DNAH5: variants seen among roughly 807,000 people sequenced by gnomAD.
DNAH5 encodes the protein dynein axonemal heavy chain 5.
DNAH5 carries 372 observed loss-of-function variants against 518.2 expected under a neutral mutation model. The ratio of observed to expected loss-of-function variants is 0.72; its 90% confidence interval spans 0.66 to 0.78. DNAH5 has a LOEUF of 0.78. Ranked by LOEUF, DNAH5 falls within the 30% of genes least tolerant of loss-of-function variation. The pLI is 0.00. For synonymous variants in DNAH5, 2,039 were observed against 2,025.9 expected (o/e 1.01, Z -0.17); for missense variants, 5,523 against 5,687.0 (o/e 0.97, Z 0.93).
At chr5:13,947,872 C>T (rs975244419), upstream of DNAH5, among the ~76,000 whole-genome samples, 16 of 152,198 alleles carry the variant, frequency 1.1e-4, no homozygotes, top group African/African-American at 3.9e-4. Context: ...ACCCATCAAG[C>T]GCTGCACATT....
In DNAH5 at chr5:13,810,223, C is replaced by A; in HGVS notation, c.7445G>T (p.Arg2482Leu). 11 of 1,550,642 alleles carry A rather than the reference C, an allele frequency of 7.1e-6. No individual in the cohort carries two copies. Among genetic ancestry groups the A allele is most frequent in the Non-Finnish European group, 9.6e-6 (11 of 1,146,972 alleles). Residue 2482 changes from arginine (R) to leucine (L), a missense_variant, in exon 45 of 79, where the codon CGG becomes CTG. Transcript: ENST00000265104. ...GGEVSQAHLG[R>L]LFVFALLWSA... Reference sequence around the variant, plus strand: ...CCACAGCAGCGCGAACACGAACAGCCGCCCCAGGTGAGCCTGGCTCACCTC... The same window carrying A: ...CCACAGCAGCGCGAACACGAACAGCAGCCCCAGGTGAGCCTGGCTCACCTC...
chr5:13,825,701 C>G (rs1762804094), intron 38 of DNAH5, among the ~76,000 whole-genome samples: 2 of 152,030 alleles, frequency 1.3e-5, no homozygotes, highest in Non-Finnish European at 2.9e-5. Context: ...TTACCAGGAG[C>G]TAAGGGAAGA....
At chr5:13,790,187 T>A (rs896072937) in intron 50 of DNAH5, among the ~76,000 whole-genome samples, 6 of 152,058 alleles carry the variant, frequency 3.9e-5, no homozygotes, top group Admixed American at 3.9e-4. Flanking sequence ...GACCCAGAAA[T>A]CCCATTACAG....
At chr5:13,851,474 A>G in intron 30 of DNAH5, among the ~76,000 whole-genome samples, 1 of 151,910 alleles carries the variant, frequency 6.6e-6, no homozygotes, top group African/African-American at 2.4e-5. Flanking sequence ...TGCCTAGCTA[A>G]ATTTTTTTTA....
At chr5:13,957,884 A>G (rs1780872029) in intron 1 of DNAH5, among the ~76,000 whole-genome samples, 1 of 151,614 alleles carries the variant, frequency 6.6e-6, no homozygotes, top group African/African-American at 2.4e-5. Flanking sequence ...CATAATATGA[A>G]CACTATTAAC....
intron 1 of DNAH5, among the ~76,000 whole-genome samples, chr5:13,975,478 A>G (rs547653139): frequency 1.3e-5 from 2 of 152,316 alleles, no homozygotes; most frequent in South Asian, 2.1e-4. Flanking sequence ...TAGTCCTTAC[A>G]TTGCTGGATA....
At chr5:13,753,932 C>T (rs145914454) in intron 62 of DNAH5, among the ~76,000 whole-genome samples, 64 of 152,178 alleles carry the variant, frequency 4.2e-4, no homozygotes, top group Non-Finnish European at 7.4e-5. Context: ...GCATAAAGGT[C>T]GTTAACACAT....
chr5:13,778,832 A>G (rs1260333908), intron 53 of DNAH5, among the ~76,000 whole-genome samples: 2 of 152,196 alleles, frequency 1.3e-5, no homozygotes, highest in African/African-American at 2.4e-5. Context: ...CTTGAAAGCT[A>G]TGAAAAGGAA....
At chr5:13,843,233 A>G (rs895885515) in intron 32 of DNAH5, among the ~76,000 whole-genome samples, 1 of 152,122 alleles carries the variant, frequency 6.6e-6, no homozygotes, top group Non-Finnish European at 1.5e-5. Context: ...ATGGCTTCTT[A>G]CATTGATTTC....
chr5:13,852,129 G>A (rs907674036), intron 30 of DNAH5, among the ~76,000 whole-genome samples: 16 of 151,990 alleles, frequency 1.1e-4, no homozygotes, highest in Admixed American at 2.6e-4. Context: ...CACAAAATTC[G>A]GTGGCCGTTT....
intron 42 of DNAH5, among the ~76,000 whole-genome samples, chr5:13,816,044 T>C (rs1561336324): frequency 6.6e-6 from 1 of 152,112 alleles, no homozygotes; most frequent in Non-Finnish European, 1.5e-5. Flanking sequence ...GGATGAGGAA[T>C]CCCTGCAGCC....
chr5:13,738,880 T>G (rs1449283591), intron 65 of DNAH5, among the ~76,000 whole-genome samples: 1 of 152,100 alleles, frequency 6.6e-6, no homozygotes, highest in Non-Finnish European at 1.5e-5. Context: ...AAATGAAACT[T>G]ATGTATTAGA....
intron 78 of DNAH5, 63 bp from the exon 79 acceptor site, chr5:13,692,198 C>A: frequency 1.3e-6 from 2 of 1,565,152 alleles, no homozygotes; most frequent in South Asian, 2.2e-5. Context: ...AAGGAGAATG[C>A]AGAGCCATGC....
At chr5:13,906,712 G>T (rs1056065434) in intron 12 of DNAH5, among the ~76,000 whole-genome samples, 4 of 152,112 alleles carry the variant, frequency 2.6e-5, no homozygotes, top group African/African-American at 9.7e-5. Context: ...AGCTAAAAAT[G>T]CTTTCAAATA....
intron 2 of DNAH5, 62 bp downstream of exon 2, chr5:13,931,048 T>C: frequency 6.2e-7 from 1 of 1,612,194 alleles, no homozygotes; most frequent in East Asian, 2.2e-5. Flanking sequence ...GCCACAGGAC[T>C]GTGTCAACAG....
intron 1 of DNAH5, among the ~76,000 whole-genome samples, chr5:13,954,739 C>G (rs1780647725): frequency 6.6e-6 from 1 of 152,174 alleles, no homozygotes; most frequent in African/African-American, 2.4e-5. Context: ...GCAGTGTTTC[C>G]CCGTTGCCCA....
At chr5:14,003,227 C>G (rs536361512) in intron 1 of DNAH5, among the ~76,000 whole-genome samples, 13 of 152,244 alleles carry the variant, frequency 8.5e-5, no homozygotes, top group African/African-American at 3.1e-4. Flanking sequence ...AAGAAAACAT[C>G]AGAGTTACAT....
At chr5:13,870,094 A>C (rs567228999) in intron 24 of DNAH5, among the ~76,000 whole-genome samples, 1 of 152,318 alleles carries the variant, frequency 6.6e-6, no homozygotes, top group Admixed American at 6.5e-5. Flanking sequence ...TGGTATACAA[A>C]TAAAAGTGAT....
intron 16 of DNAH5, among the ~76,000 whole-genome samples, chr5:13,894,356 C>T (rs1773645323): frequency 6.6e-6 from 1 of 152,122 alleles, no homozygotes; most frequent in Non-Finnish European, 1.5e-5. Context: ...ATACACTAAC[C>T]TATTTATATA....
Sources: gnomAD v4.1 joint callset for allele counts (sites outside exome capture counted in the v4.1 genomes callset) on GRCh38, gnomAD v4.1.1 for gene constraint, MANE v1.5 for transcripts, NCBI Gene and HGNC (gene_info 2026-07-23, HGNC 2026-07-21) for gene names.